FARP2: variants seen among roughly 807,000 people sequenced by gnomAD.
The protein encoded by FARP2 is FERM, ARH/RhoGEF and pleckstrin domain protein 2.
In FARP2, 111 loss-of-function variants were observed where a neutral mutation model predicts 130.5. That is an observed-to-expected ratio of 0.85 (90% CI 0.73 to 1.00). FARP2 has a LOEUF of 1.00. Among genes scored for constraint, FARP2 ranks in the 50% least tolerant of loss-of-function variants. The pLI, the probability that FARP2 is intolerant of heterozygous loss-of-function variation, is 0.00. For missense variants in FARP2, 1,385 were observed against 1,346.3 expected (o/e 1.03, Z -0.45); for synonymous variants, 504 against 516.9 (o/e 0.98, Z 0.34).
At chr2:241,431,442 C>T (rs776476636) in intron 8 of FARP2, among the ~76,000 whole-genome samples, 1 of 151,482 alleles carries the variant, frequency 6.6e-6, no homozygotes, top group Non-Finnish European at 1.5e-5. Context: ...TACCACTGCA[C>T]TCTAGCCTGG....
chr2:241,378,609 C>G, intron 2 of FARP2, among the ~76,000 whole-genome samples: 1 of 151,632 alleles, frequency 6.6e-6, no homozygotes, highest in Non-Finnish European at 1.5e-5. Context: ...ATGGGGTCTC[C>G]CCACATTACC....
At position 241,491,688 on chromosome 2, in the gene FARP2, G is replaced by A. The variant is rs372076458; in HGVS notation, c.2787+9G>A. The A allele has an allele frequency of 3.9e-5, 61 of 1,582,968 alleles. No homozygotes were observed. Among genetic ancestry groups the A allele is most frequent in the East Asian group, 1.4e-4 (6 of 44,340 alleles). On this transcript the variant is annotated intron_variant, in intron 24 of 26. Transcript: ENST00000264042. ...ACAGTGCAGCTGTCGAGGTACGACC[G>A]CATGAGCACCACCTCAGTGCATCTG...
chr2:241,434,577 C>T (rs984032056), intron 10 of FARP2, among the ~76,000 whole-genome samples: 3 of 152,200 alleles, frequency 2.0e-5, no homozygotes, highest in African/African-American at 7.2e-5. Context: ...GTGGGCCGAG[C>T]CCGGTGGCTC....
chr2:241,477,455 A>T (rs1386252547), intron 19 of FARP2, among the ~76,000 whole-genome samples: 1 of 151,784 alleles, frequency 6.6e-6, no homozygotes. Flanking sequence ...GCTGAATCAT[A>T]CTCCATCATG....
chr2:241,470,421 G>A (rs1378106437), intron 18 of FARP2, among the ~76,000 whole-genome samples: 3 of 151,618 alleles, frequency 2.0e-5, no homozygotes, highest in Non-Finnish European at 4.4e-5. Context: ...TGATGGGGAT[G>A]CGCTCTGAAG....
At chr2:241,486,461 C>CAAAA (rs56961097) in intron 21 of FARP2, among the ~76,000 whole-genome samples, 4 of 50,020 alleles carry the variant, frequency 8.0e-5, no homozygotes, top group Non-Finnish European at 1.3e-4. Context: ...GACCTCGTCT[C>CAAAA]AAAAAAAAAA....
chr2:241,361,120 G>T (rs568765478), intron 1 of FARP2, among the ~76,000 whole-genome samples: 1 of 151,616 alleles, frequency 6.6e-6, no homozygotes, highest in East Asian at 1.9e-4. Context: ...TTATATTTTA[G>T]CACGTCTGAT....
intron 2 of FARP2, among the ~76,000 whole-genome samples, chr2:241,382,687 A>G (rs1358089869): frequency 2.0e-5 from 3 of 152,200 alleles, no homozygotes; most frequent in Non-Finnish European, 4.4e-5. Flanking sequence ...TCTTTGATAC[A>G]TGTTGTGAAA....
intron 14 of FARP2, among the ~76,000 whole-genome samples, chr2:241,460,960 C>CT (rs1325742441): frequency 6.6e-6 from 1 of 152,170 alleles, no homozygotes; most frequent in African/African-American, 2.4e-5. Flanking sequence ...TCACAGCTGG[C>CT]TATATCCATG....
chr2:241,476,057 C>G (rs2064449329), intron 19 of FARP2, 70 bp downstream of exon 19: 2 of 1,415,498 alleles, frequency 1.4e-6, no homozygotes, highest in Non-Finnish European at 1.9e-6. Context: ...AATTTACATA[C>G]CACAAAAGTC....
chr2:241,450,232 A>G (rs923351430), intron 13 of FARP2, among the ~76,000 whole-genome samples: 7 of 151,928 alleles, frequency 4.6e-5, no homozygotes, highest in African/African-American at 1.7e-4. Context: ...GCACAGTGAC[A>G]TGTGCCTGTG....
rs779690106 is a variant in FARP2, at chr2:241,441,493, G to A, written c.1348G>A (p.Ala450Thr). The change falls in exon 13 of 27, where the codon GCT becomes ACT. Residue 450 changes from alanine (A) to threonine (T), a missense_variant. Coordinates refer to ENST00000264042, the MANE Select transcript of FARP2 (RefSeq NM_014808.4). The stretch of plus-strand genomic sequence containing the variant: ...TGCAGAGAGGCGCAGTGGAGCAGTG[G>A]CTGGAGGCCCCGACACACCATCGGC... ...PAAERRSGAV[A>T]GGPDTPSAQP... 6.2e-6 allele frequency: 10 copies of A among 1,614,030 alleles called. No individual in the cohort carries two copies. Among genetic ancestry groups the A allele is most frequent in the South Asian group, 1.1e-5 (1 of 91,086 alleles).
rs1040426911 is a variant in FARP2, at chr2:241,442,497, G to T, written c.1411+941G>T. On this transcript the variant is annotated intron_variant, in intron 13 of 26. Transcript: ENST00000264042. ...ATTTACAGAACAATTTAAAGAATTT[G>T]ACTCCAGGAGAGCAAATAGATAAAA... 6 of 456,268 alleles carry T rather than the reference G, an allele frequency of 1.3e-5. No individual in the cohort carries two copies. The Admixed American group carries it at 1.4e-4, about 11-fold the overall frequency. 28.3% of individuals were successfully genotyped at this position (456,268 alleles called of 1,614,324 possible).
chr2:241,463,828 C>G (rs1191100727), intron 16 of FARP2, 71 bp from the exon 17 acceptor site: 2 of 1,328,232 alleles, frequency 1.5e-6, no homozygotes, highest in African/African-American at 2.9e-5. Flanking sequence ...CAGCTGTCAC[C>G]CTGCGTCAGA....
At chr2:241,483,883 C>G (rs1424468677) in intron 20 of FARP2, 2 of 985,340 alleles carry the variant, frequency 2.0e-6, no homozygotes, top group Non-Finnish European at 1.2e-6. Flanking sequence ...GACAGTTTCA[C>G]TGTTGGCTCA....
intron 1 of FARP2, among the ~76,000 whole-genome samples, chr2:241,356,886 A>T (rs1306451455): frequency 6.6e-6 from 1 of 152,216 alleles, no homozygotes; most frequent in Non-Finnish European, 1.5e-5. Context: ...GCATTTCTTT[A>T]AATTGTATCT....
In FARP2 at chr2:241,462,515, T is replaced by G. The variant is rs199710069; in HGVS notation, c.1588-8T>G. On this transcript the variant is annotated splice_polypyrimidine_tract_variant and splice_region_variant and intron_variant, in intron 14 of 26. Coordinates refer to ENST00000264042, the MANE Select transcript of FARP2 (RefSeq NM_014808.4). ...GGACGCACACTTACAGCTCTCTGCT[T>G]CTTTCAGCGCGTGCCTGCAGACGAG... 99 of 1,610,530 alleles carry G rather than the reference T, an allele frequency of 6.1e-5. No individual in the cohort carries two copies. Among genetic ancestry groups the G allele is most frequent in the Middle Eastern group, 1.7e-4 (1 of 6,052 alleles).
At chr2:241,376,594 T>C (rs2061541538) in intron 2 of FARP2, among the ~76,000 whole-genome samples, 1 of 152,246 alleles carries the variant, frequency 6.6e-6, no homozygotes, top group Admixed American at 6.5e-5. Context: ...CCCTTCCTTG[T>C]TGTCTTTGGA....
intron 18 of FARP2, among the ~76,000 whole-genome samples, chr2:241,470,489 C>T (rs1018807138): frequency 2.0e-5 from 3 of 147,834 alleles, no homozygotes; most frequent in Non-Finnish European, 4.5e-5. Context: ...GAACACTGCT[C>T]TGAGGAGATT....
Sources: gnomAD v4.1 joint callset for allele counts (sites outside exome capture counted in the v4.1 genomes callset) on GRCh38, gnomAD v4.1.1 for gene constraint, MANE v1.5 for transcripts, NCBI Gene and HGNC (gene_info 2026-07-23, HGNC 2026-07-21) for gene names.